Variants in SNTG1 observed in about 807,000 individuals in gnomAD.
SNTG1 encodes gamma-1-syntrophin.
SNTG1 carries 39 observed loss-of-function variants against 74.7 expected under a neutral mutation model. The ratio of observed to expected loss-of-function variants is 0.52; its 90% CI spans 0.40 to 0.68. The LOEUF (loss-of-function observed/expected upper bound fraction) is 0.68, where lower values mean the gene tolerates loss of function less well. Ranked by LOEUF, SNTG1 falls within the 30% of genes least tolerant of loss-of-function variation. The pLI, the probability that SNTG1 is intolerant of heterozygous loss-of-function variation, is 0.00. For synonymous variants in SNTG1, 254 were observed against 217.1 expected (o/e 1.17, Z -1.49); for missense variants, 685 against 609.5 (o/e 1.12, Z -1.30).
chr8:50,682,802 A>T (rs1227643712), intron 15 of SNTG1, among the ~76,000 whole-genome samples: 9 of 152,296 alleles, frequency 5.9e-5, no homozygotes, highest in Middle Eastern at 3.4e-3. Flanking sequence ...CCAATAACTC[A>T]GACCAATTCC....
intron 2 of SNTG1, among the ~76,000 whole-genome samples, chr8:50,231,855 G>C (rs2085644989): frequency 6.6e-6 from 1 of 151,246 alleles, no homozygotes; most frequent in African/African-American, 2.4e-5. Flanking sequence ...GTTTTGCTGA[G>C]AGTAAATTTC....
At chr8:50,740,632 TTAC>T (rs2095540986) in intron 17 of SNTG1, among the ~76,000 whole-genome samples, 1 of 151,830 alleles carries the variant, frequency 6.6e-6, no homozygotes, top group South Asian at 2.1e-4. Flanking sequence ...ATCAATCCCA[TTAC>T]TGAGTATATA....
chr8:50,753,882 A>G (rs1423161093), intron 18 of SNTG1, among the ~76,000 whole-genome samples: 1 of 152,000 alleles, frequency 6.6e-6, no homozygotes, highest in Non-Finnish European at 1.5e-5. Context: ...TTATAAAATA[A>G]AAGAAAATAA....
chr8:50,646,897 G>T (rs1042622619), intron 13 of SNTG1, among the ~76,000 whole-genome samples: 5 of 151,918 alleles, frequency 3.3e-5, no homozygotes, highest in Non-Finnish European at 7.4e-5. Context: ...AGAATGGAAA[G>T]CCAAGAAATA....
chr8:50,459,152 T>C (rs1466299000), intron 8 of SNTG1, among the ~76,000 whole-genome samples: 1 of 152,160 alleles, frequency 6.6e-6, no homozygotes, highest in Non-Finnish European at 1.5e-5. Flanking sequence ...TTCTATTGCC[T>C]TGACACTTCT....
intron 18 of SNTG1, among the ~76,000 whole-genome samples, chr8:50,756,392 A>G (rs1364893270): frequency 6.6e-6 from 1 of 151,830 alleles, no homozygotes; most frequent in African/African-American, 2.4e-5. Context: ...ATTGTCTTTT[A>G]TAATTGGAGC....
chr8:50,207,217 G>A (rs1227028360), intron 2 of SNTG1, among the ~76,000 whole-genome samples: 1 of 152,128 alleles, frequency 6.6e-6, no homozygotes, highest in African/African-American at 2.4e-5. Context: ...TGGTTGGTAA[G>A]CTATTAATTA....
At chr8:50,250,586 A>G (rs1304977628) in intron 2 of SNTG1, among the ~76,000 whole-genome samples, 2 of 152,176 alleles carry the variant, frequency 1.3e-5, no homozygotes, top group African/African-American at 4.8e-5. Context: ...AGTTACATAT[A>G]GGGGAATTTC....
chr8:50,242,522 C>G (rs1187360947), intron 2 of SNTG1, among the ~76,000 whole-genome samples: 1 of 78,506 alleles, frequency 1.3e-5, no homozygotes, highest in African/African-American at 4.3e-5. Context: ...AGTGAGAATC[C>G]ATCTCAAAAA....
intron 1 of SNTG1, among the ~76,000 whole-genome samples, chr8:50,038,564 AT>A (rs1818356323): frequency 6.6e-6 from 1 of 152,094 alleles, no homozygotes. Flanking sequence ...GATTTAGATC[AT>A]TTTTCTTTCC....
At chr8:50,485,081 G>A (rs1004876929) in intron 8 of SNTG1, among the ~76,000 whole-genome samples, 3 of 152,096 alleles carry the variant, frequency 2.0e-5, no homozygotes, top group African/African-American at 7.2e-5. Flanking sequence ...GTAAACATGT[G>A]ATTACATTTG....
intron 2 of SNTG1, among the ~76,000 whole-genome samples, chr8:50,341,932 A>G (rs1458895951): frequency 6.6e-6 from 1 of 152,052 alleles, no homozygotes; most frequent in Non-Finnish European, 1.5e-5. Context: ...ATTTTCCAAA[A>G]CCAAATTTTG....
At position 50,320,723 on chromosome 8, in the gene SNTG1, T is replaced by C. The variant is rs190616162; in HGVS notation, c.-27-73489T>C. Among the ~76,000 whole-genome samples the C allele has an allele frequency of 9.9e-5, 15 of 152,246 alleles. No homozygotes were observed. In the East Asian group the frequency reaches 2.9e-3, roughly 29 times the overall value. On this transcript the variant is annotated intron_variant, in intron 2 of 18. Transcript: ENST00000642720. The stretch of plus-strand genomic sequence containing the variant: ...TTGGTATGTTGTGTTTCCAATACCA[T>C]TTGTTTCGAGAAATTTTCCAATTTT...
chr8:50,197,734 C>T (rs1388779998), intron 2 of SNTG1, among the ~76,000 whole-genome samples: 1 of 152,146 alleles, frequency 6.6e-6, no homozygotes, highest in Non-Finnish European at 1.5e-5. Context: ...GTTTCTGATG[C>T]ATCTCGTTTC....
chr8:50,444,864 C>T (rs1210244362), intron 5 of SNTG1, among the ~76,000 whole-genome samples: 1 of 151,974 alleles, frequency 6.6e-6, no homozygotes, highest in Non-Finnish European at 1.5e-5. Flanking sequence ...ATTTCAAAGA[C>T]CATTACATTT....
intron 2 of SNTG1, among the ~76,000 whole-genome samples, chr8:50,184,158 CTTT>C (rs2083302727): frequency 6.6e-6 from 1 of 152,020 alleles, no homozygotes; most frequent in South Asian, 2.1e-4. Flanking sequence ...ATGGTTACAT[CTTT>C]TTTATTATTA....
intron 1 of SNTG1, among the ~76,000 whole-genome samples, chr8:50,016,721 C>A (rs1563476929): frequency 6.6e-6 from 1 of 152,038 alleles, no homozygotes; most frequent in African/African-American, 2.4e-5. Flanking sequence ...CTAAAATAAA[C>A]ATAAAATAAA....
intron 1 of SNTG1, among the ~76,000 whole-genome samples, chr8:50,102,813 G>C (rs1201752550): frequency 6.7e-6 from 1 of 150,100 alleles, no homozygotes; most frequent in Non-Finnish European, 1.5e-5. Flanking sequence ...TTATTAAATA[G>C]GGAATCCTTT....
At chr8:50,038,193 C>T (rs548546265) in intron 1 of SNTG1, among the ~76,000 whole-genome samples, 1 of 152,266 alleles carries the variant, frequency 6.6e-6, no homozygotes, top group African/African-American at 2.4e-5. Context: ...AAAACAATCA[C>T]TCTTTTCCAC....
Sources: gnomAD v4.1 joint callset for allele counts (sites outside exome capture counted in the v4.1 genomes callset) on GRCh38, gnomAD v4.1.1 for gene constraint, MANE v1.5 for transcripts, NCBI Gene and HGNC (gene_info 2026-07-23, HGNC 2026-07-21) for gene names.